Variants in IRAG2 observed in about 807,000 individuals in gnomAD.
IRAG2 encodes the protein lymphoid restricted membrane protein.
A neutral mutation model predicts 69.9 loss-of-function variants in IRAG2; 45 were observed. That is an observed-to-expected ratio of 0.64 (90% CI 0.51 to 0.83). The LOEUF (loss-of-function observed/expected upper bound fraction) is 0.83, where lower values mean the gene tolerates loss of function less well. Ranked by LOEUF, IRAG2 falls within the 40% of genes least tolerant of loss-of-function variation. The pLI is 0.00. For missense variants in IRAG2, 520 were observed against 587.0 expected (o/e 0.89, Z 1.18); for synonymous variants, 193 against 202.4 (o/e 0.95, Z 0.40).
rs1944417355 is a variant in IRAG2, at chr12:25,004,666, A to G, written c.325A>G (p.Thr109Ala). The G allele has an allele frequency of 3.2e-6, 4 of 1,232,048 alleles. No homozygotes were observed. In the African/African-American group the frequency reaches 4.7e-5, roughly 14 times the overall value. 76.3% of individuals were successfully genotyped at this position (1,232,048 alleles called of 1,614,324 possible). The change falls in exon 1 of 39, where the codon ACA becomes GCA. Residue 109 changes from threonine (T) to alanine (A), a missense_variant. Transcript: ENST00000636465. ...TCACCTCAGCTCCCCTGAGACTGCA[A>G]CATACTCTGTTATTCTCACAAGTTC...
At chr12:25,016,837 G>C (rs1322487011) in intron 5 of IRAG2, among the ~76,000 whole-genome samples, 2 of 151,950 alleles carry the variant, frequency 1.3e-5, no homozygotes, top group East Asian at 3.8e-4. Context: ...TCGTTTAGAA[G>C]ACAAATGTTG....
chr12:25,101,401 C>A, intron 16 of IRAG2, 76 bp downstream of exon 16: 1 of 996,596 alleles, frequency 1.0e-6, no homozygotes, highest in Non-Finnish European at 1.4e-6. Context: ...CTTATTATTA[C>A]TTCAGTATAA....
rs144464810 is a variant in IRAG2 at position 25,094,055 on chromosome 12, G to C, written c.607-2855G>C. Among the ~76,000 whole-genome samples the C allele has an allele frequency of 8.6e-5, 13 of 151,118 alleles. No homozygotes were observed. The East Asian group carries it at 2.5e-3, about 29-fold the overall frequency. On this transcript the variant is annotated intron_variant, in intron 14 of 21. Coordinates refer to ENST00000556887, the MANE Select transcript of IRAG2 (RefSeq NM_001366544.2). Reference sequence around the variant, plus strand: ...CTATAGGTTGCCTTTTCTGTTGACTGGGTCCTTTGATGTATAAAGACTTTT... The same window carrying C: ...CTATAGGTTGCCTTTTCTGTTGACTCGGTCCTTTGATGTATAAAGACTTTT...
rs1948736669 is a variant in IRAG2 at position 25,101,273 on chromosome 12, G to A, written c.837G>A (p.Leu279=). 3.7e-6 allele frequency: 6 copies of A among 1,611,496 alleles called. No individual in the cohort carries two copies. The highest frequency in any genetic ancestry group is 5.1e-6 in the Non-Finnish European group (6 of 1,178,260). ...YAKEHAELEE[L]KQVLLQNERS... is the part of the protein sequence containing the mutation. ...AAGAGCACGCTGAATTAGAAGAACT[G>A]AAACAGGTTCTTCTGCAGAATGAAA... The change falls in exon 16 of 22, where the codon CTG becomes CTA. Residue 279 remains leucine (L), a synonymous_variant. Coordinates refer to ENST00000556887, the MANE Select transcript of IRAG2 (RefSeq NM_001366544.2).
chr12:25,031,032 C>T (rs767721767), intron 10 of IRAG2: 12 of 985,138 alleles, frequency 1.2e-5, no homozygotes, highest in African/African-American at 8.7e-5. Context: ...GTGCTGGTTA[C>T]GGTAACTTTA....
the IRAG2 span, among the ~76,000 whole-genome samples, chr12:24,999,127 G>A: frequency 2.6e-5 from 4 of 152,236 alleles, no homozygotes; most frequent in South Asian, 2.1e-4. Context: ...CATTCCTAAA[G>A]AATAAGAAAT....
Position 25,088,144 on chromosome 12 carries a change from A to T in IRAG2, c.360A>T (p.Glu120Asp). 1 of 1,613,476 alleles carries T rather than the reference A, an allele frequency of 6.2e-7. No homozygotes were observed. Among genetic ancestry groups the T allele is most frequent in the South Asian group, 1.1e-5 (1 of 91,068 alleles). ...EPETIEEHKKEHASGDSVVSP... is the reference protein window; with the variant it reads ...EPETIEEHKKDHASGDSVVSP... ...AAACAATAGAAGAACATAAAAAAGA[A>T]CATGCTTCAGGAGGTAAGGAATGTT... The change falls in exon 11 of 22, where the codon GAA (glutamate) becomes GAT (aspartate). Residue 120 changes from glutamate to aspartate, a missense_variant. Coordinates refer to ENST00000556887, the MANE Select transcript of IRAG2 (RefSeq NM_001366544.2).
At chr12:25,087,550 CAT>C (rs1947714122) in intron 10 of IRAG2, among the ~76,000 whole-genome samples, 1 of 152,156 alleles carries the variant, frequency 6.6e-6, no homozygotes, top group South Asian at 2.1e-4. Flanking sequence ...TAATTCACAT[CAT>C]GTTTGCATCT....
chr12:25,083,916 T>C (rs1398439831), intron 10 of IRAG2, among the ~76,000 whole-genome samples: 1 of 152,200 alleles, frequency 6.6e-6, no homozygotes, highest in African/African-American at 2.4e-5. Context: ...ACTGAATAAT[T>C]AGAGTGTGCT....
intron 14 of IRAG2, among the ~76,000 whole-genome samples, chr12:25,094,788 T>C (rs1359423336): frequency 6.6e-6 from 1 of 152,192 alleles, no homozygotes; most frequent in Non-Finnish European, 1.5e-5. Context: ...ACATCTCTTT[T>C]ATCTCCTTTG....
chr12:25,101,161 G>A lies in IRAG2; in HGVS notation c.742-17G>A, dbSNP rs201953493. 39 of 1,587,664 alleles carry A rather than the reference G, an allele frequency of 2.5e-5. No individual in the cohort carries two copies. Among genetic ancestry groups the A allele is most frequent in the Middle Eastern group, 1.7e-4 (1 of 5,930 alleles). ...TAGTATTTTCAATGTAAATGTGCTC[G>A]TTTTTTCTCTTGCTAGGAAAGCCGG... On this transcript the variant is annotated splice_polypyrimidine_tract_variant and intron_variant, in intron 15 of 21. Transcript: ENST00000556887.
chr12:25,054,568 A>G (rs1455126883), intron 1 of IRAG2, among the ~76,000 whole-genome samples: 2 of 152,162 alleles, frequency 1.3e-5, no homozygotes, highest in African/African-American at 2.4e-5. Context: ...TTCACGGCCC[A>G]ATAGATTCAA....
chr12:24,999,729 C>T (rs566287229), upstream of IRAG2, among the ~76,000 whole-genome samples: 1 of 151,986 alleles, frequency 6.6e-6, no homozygotes, highest in Non-Finnish European at 1.5e-5. Context: ...AGCCTCACTC[C>T]CAAGCTGGGA....
chr12:25,001,114 T>C (rs1456844437), upstream of IRAG2, among the ~76,000 whole-genome samples: 2 of 152,204 alleles, frequency 1.3e-5, no homozygotes, highest in Non-Finnish European at 2.9e-5. Flanking sequence ...GTTAATCTTA[T>C]GCAGCTTTGG....
At chr12:25,036,802 T>G (rs1258770170) in intron 15 of IRAG2, 1 of 395,222 alleles carries the variant, frequency 2.5e-6, no homozygotes, top group African/African-American at 2.1e-5. Flanking sequence ...TATCTTAGTC[T>G]GATCATGAGT....
upstream of IRAG2, among the ~76,000 whole-genome samples, chr12:25,051,161 A>AGAGAGAGAG (rs1469694030): frequency 5.3e-5 from 8 of 152,038 alleles, no homozygotes; most frequent in Non-Finnish European, 1.2e-4. Context: ...AGAGAGAAAA[A>AGAGAGAGAG]GAGAGTGAGA....
rs374030286 is a variant in IRAG2, at chr12:25,039,516, T to C, written c.2144+1379T>C. ...CGTGATCTCTGCTCACTGCAAGCTC[T>C]GCCTCCCGGGTTCAGGCCATTCTCC... On this transcript the variant is annotated intron_variant, in intron 16 of 38. Coordinates refer to the IRAG2 transcript ENST00000636465. 1.1e-4 allele frequency among the ~76,000 whole-genome samples: 16 copies of C among 152,290 alleles called. No individual in the cohort carries two copies. In the East Asian group the frequency reaches 1.5e-3, roughly 15 times the overall value.
intron 16 of IRAG2, among the ~76,000 whole-genome samples, chr12:25,039,448 T>G (rs572515643): frequency 6.6e-6 from 1 of 152,338 alleles, no homozygotes; most frequent in African/African-American, 2.4e-5. Flanking sequence ...TTCTTTTTTT[T>G]GAGACGAAGT....
intron 10 of IRAG2, chr12:25,032,038 A>G: frequency 2.5e-6 from 1 of 397,044 alleles, no homozygotes; most frequent in Non-Finnish European, 4.4e-6. Flanking sequence ...TCGCATGACG[A>G]TTGGGCATTT....
Sources: allele counts gnomAD v4.1 joint callset (sites outside exome capture counted in the v4.1 genomes callset), GRCh38; gene constraint gnomAD v4.1.1; transcripts MANE v1.5; gene names NCBI Gene and HGNC (gene_info 2026-07-23, HGNC 2026-07-21).